The following MARK2 variants were observed in gnomAD, a reference collection of about 807,000 sequenced individuals.
The protein encoded by MARK2 is serine/threonine-protein kinase MARK2.
Under a neutral mutation model 89.8 loss-of-function variants are expected in MARK2, and 16 were observed. The ratio of observed to expected loss-of-function variants is 0.18; its 90% CI spans 0.12 to 0.27. The LOEUF (loss-of-function observed/expected upper bound fraction) is 0.27, where lower values mean the gene tolerates loss of function less well. Among genes scored for constraint, MARK2 ranks in the 10% least tolerant of loss-of-function variants. The pLI, the probability that MARK2 is intolerant of heterozygous loss-of-function variation, is 1.00. For synonymous variants in MARK2, 382 were observed against 399.5 expected, an observed-to-expected ratio of 0.96 and a Z score of 0.52; for missense variants, 621 against 1,049.9, an observed-to-expected ratio of 0.59 and a Z score of 5.65.
chr11:63,890,659 T>G (rs1939772340), intron 1 of MARK2, among the ~76,000 whole-genome samples: 1 of 152,256 alleles, frequency 6.6e-6, no homozygotes, highest in Non-Finnish European at 1.5e-5. Flanking sequence ...CTTGTCAGCC[T>G]TCAGCTGAGC....
intron 1 of MARK2, among the ~76,000 whole-genome samples, chr11:63,843,020 AAAGTT>A (rs939176042): frequency 1.3e-4 from 20 of 152,274 alleles, no homozygotes; most frequent in African/African-American, 4.3e-4. Context: ...AAAAAAAAAA[AAAGTT>A]AAGCCCTGTC....
intron 1 of MARK2, chr11:63,890,351 CG>C: frequency 9.0e-7 from 1 of 1,111,678 alleles, no homozygotes; most frequent in Non-Finnish European, 1.2e-6. Context: ...GGTTCAGTCC[CG>C]AAAAGGGGGT....
At chr11:63,848,450 A>G (rs1237196355) in intron 1 of MARK2, among the ~76,000 whole-genome samples, 1 of 151,992 alleles carries the variant, frequency 6.6e-6, no homozygotes, top group African/African-American at 2.4e-5. Flanking sequence ...CAGTGGCACA[A>G]TCTCAGCTCA....
chr11:63,898,909 G>A (rs1336556207), intron 6 of MARK2, 76 bp downstream of exon 6: 8 of 1,385,120 alleles, frequency 5.8e-6, no homozygotes, highest in Non-Finnish European at 7.2e-6. Flanking sequence ...TAAGCTGCCT[G>A]TCTGTAAGTG....
Position 63,868,757 on chromosome 11 carries a change from G to A in MARK2, c.55-26402G>A, listed in dbSNP as rs1464406586. The A allele has an allele frequency of 1.1e-5, 5 of 455,586 alleles. No individual in the cohort carries two copies. The Admixed American group carries it at 1.2e-4, about 11-fold the overall frequency. The allele number at this position is 455,586 out of a possible 1,614,324, so 28.2% of individuals were successfully genotyped here. On this transcript the variant is annotated intron_variant, in intron 1 of 18. Transcript: ENST00000402010. ...GCTCAGTCTTGCCTCTTTTTTGATG[G>A]GTGGGCAGAGGAACACTAGTGTTGG...
chr11:63,869,904 G>A (rs559793642), intron 1 of MARK2, among the ~76,000 whole-genome samples: 54 of 151,616 alleles, frequency 3.6e-4, no homozygotes, highest in African/African-American at 1.2e-3. Flanking sequence ...GAGGGCTGTC[G>A]CATCCATACA....
chr11:63,858,786 C>A lies in MARK2; in HGVS notation c.54+19226C>A, dbSNP rs913450278. Among the ~76,000 whole-genome samples the A allele has an allele frequency of 1.3e-5, 2 of 152,186 alleles. 1 individual carries two copies. Among genetic ancestry groups the A allele is most frequent in the African/African-American group, 4.8e-5 (2 of 41,446 alleles). ...TGTAAACAGAGATAGGACTGATAAT[C>A]CCTGTCCTCGATTGGTTGATTACTT... is the stretch of plus-strand genomic sequence containing the variant. On this transcript the variant is annotated intron_variant, in intron 1 of 18. Transcript: ENST00000402010.
chr11:63,853,550 G>T (rs2135216750), intron 1 of MARK2, among the ~76,000 whole-genome samples: 1 of 152,328 alleles, frequency 6.6e-6, no homozygotes, highest in South Asian at 2.1e-4. Flanking sequence ...TATTTTATGT[G>T]AATGCTCAGC....
chr11:63,866,954 T>C (rs1304423326), intron 1 of MARK2, among the ~76,000 whole-genome samples: 1 of 152,194 alleles, frequency 6.6e-6, no homozygotes, highest in South Asian at 2.1e-4. Flanking sequence ...CTGTCAGGAA[T>C]TAGTATTCAT....
intron 1 of MARK2, among the ~76,000 whole-genome samples, chr11:63,867,760 G>T (rs976209143): frequency 6.6e-6 from 1 of 152,118 alleles, no homozygotes; most frequent in African/African-American, 2.4e-5. Context: ...CATGGCTGAC[G>T]CCGTGGGCAG....
chr11:63,908,927 G>A lies in MARK2; in HGVS notation c.2057G>A (p.Arg686Gln). Residue 686 changes from arginine to glutamine, a missense_variant, in exon 19 of 19, where the codon CGG (arginine) becomes CAG (glutamine). By Grantham distance (43) the Arg-to-Gln change is conservative (BLOSUM62 1). Coordinates refer to ENST00000402010, the MANE Select transcript of MARK2 (RefSeq NM_001039469.3). The part of the protein sequence containing the change: ...GGNDKEKEEF[R>Q]EAKPRSLRFT... ...AACGACAAAGAAAAGGAAGAATTTCGGGAGGCCAAGCCCCGCTCCCTCCGC... is the reference window on the plus strand; with the variant it reads ...AACGACAAAGAAAAGGAAGAATTTCAGGAGGCCAAGCCCCGCTCCCTCCGC... 6.6e-7 allele frequency: 1 copy of A among 1,505,932 alleles called. No individual in the cohort carries two copies. Among genetic ancestry groups the A allele is most frequent in the Non-Finnish European group, 8.9e-7 (1 of 1,120,412 alleles). 93.3% of individuals were successfully genotyped at this position (1,505,932 alleles called of 1,614,324 possible). A position where few individuals can be genotyped will look rare whatever the true frequency, so the allele number is the denominator to read the frequency against.
At chr11:63,845,044 A>G (rs1161858037) in intron 1 of MARK2, among the ~76,000 whole-genome samples, 3 of 152,198 alleles carry the variant, frequency 2.0e-5, no homozygotes, top group African/African-American at 4.8e-5. Context: ...TCTCTGCTAA[A>G]TGGACTCCCC....
intron 1 of MARK2, among the ~76,000 whole-genome samples, chr11:63,852,083 C>T (rs1227881630): frequency 6.6e-6 from 1 of 152,228 alleles, no homozygotes; most frequent in Non-Finnish European, 1.5e-5. Flanking sequence ...TTTTCACTCT[C>T]ATTCCCTCAC....
At chr11:63,872,091 G>C (rs1938484874) in intron 1 of MARK2, among the ~76,000 whole-genome samples, 1 of 152,194 alleles carries the variant, frequency 6.6e-6, no homozygotes, top group Non-Finnish European at 1.5e-5. Flanking sequence ...GCCAGTGGAG[G>C]CTGATGGTAG....
chr11:63,890,351 C>T (rs776444466), intron 1 of MARK2: 40 of 1,111,560 alleles, frequency 3.6e-5, no homozygotes, highest in South Asian at 1.9e-4. Flanking sequence ...GGTTCAGTCC[C>T]GAAAAGGGGG....
At chr11:63,861,685 C>T (rs1046937954) in intron 1 of MARK2, among the ~76,000 whole-genome samples, 5 of 151,212 alleles carry the variant, frequency 3.3e-5, no homozygotes, top group Non-Finnish European at 5.9e-5. Context: ...TTATTGAGCC[C>T]TTACTCTGTC....
chr11:63,843,905 T>C (rs1011779417), intron 1 of MARK2, among the ~76,000 whole-genome samples: 10 of 152,082 alleles, frequency 6.6e-5, no homozygotes, highest in Admixed American at 4.6e-4. Flanking sequence ...TGGTGTAACT[T>C]AGGTAGATTG....
chr11:63,842,336 C>T (rs989097932), intron 1 of MARK2, among the ~76,000 whole-genome samples: 4 of 152,022 alleles, frequency 2.6e-5, no homozygotes, highest in Non-Finnish European at 4.4e-5. Flanking sequence ...CCTGCCTCAG[C>T]CTCCTGAGTA....
intron 1 of MARK2, among the ~76,000 whole-genome samples, chr11:63,877,434 A>G (rs1201866239): frequency 6.6e-6 from 1 of 152,130 alleles, no homozygotes; most frequent in Admixed American, 6.5e-5. Flanking sequence ...TAGGATGCTG[A>G]AAGGATGAAT....
Sources: gnomAD v4.1 joint callset for allele counts (sites outside exome capture counted in the v4.1 genomes callset) on GRCh38, gnomAD v4.1.1 for gene constraint, MANE v1.5 for transcripts, NCBI Gene and HGNC (gene_info 2026-07-23, HGNC 2026-07-21) for gene names.